PTPRE: variants seen among roughly 807,000 people sequenced by gnomAD.
The protein encoded by PTPRE is protein tyrosine phosphatase receptor type E.
A neutral mutation model predicts 102.0 loss-of-function variants in PTPRE; 51 were observed. The ratio of observed to expected loss-of-function variants is 0.50; its 90% confidence interval spans 0.40 to 0.63. The LOEUF is 0.63. Among genes scored for constraint, PTPRE ranks in the 30% least tolerant of loss-of-function variants. PTPRE has a pLI of 0.00. For synonymous variants in PTPRE, 345 were observed against 348.2 expected (o/e 0.99, Z 0.10); for missense variants, 752 against 915.1 (o/e 0.82, Z 2.30).
chr10:128,040,849 C>G, intron 2 of PTPRE, 26 bp from the exon 3 acceptor site: 1 of 1,597,114 alleles, frequency 6.3e-7, no homozygotes, highest in Non-Finnish European at 8.6e-7. Context: ...TGGATGACCT[C>G]TGAGCCTGTC....
intron 1 of PTPRE, among the ~76,000 whole-genome samples, chr10:127,948,985 A>C (rs1848824710): frequency 6.6e-6 from 1 of 152,226 alleles, no homozygotes. Context: ...GTCTGCTGGA[A>C]CTGGGATACA....
rs192693797 is a variant in PTPRE at position 127,916,795 on chromosome 10, C to T, written c.-31+9486C>T. ...TGTGTGACGGACCAGCAGTTCTTACCGTGTCTTAAATTATGACCCCCTTTG... is the reference window on the plus strand; with the variant it reads ...TGTGTGACGGACCAGCAGTTCTTACTGTGTCTTAAATTATGACCCCCTTTG... On this transcript the variant is annotated intron_variant, in intron 1 of 20. Coordinates refer to ENST00000254667, the MANE Select transcript of PTPRE (RefSeq NM_006504.6). Among the ~76,000 whole-genome samples the T allele has an allele frequency of 3.0e-3, 455 of 152,220 alleles. 1 individual carries two copies. The highest frequency in any genetic ancestry group is 4.9e-3 in the Non-Finnish European group (333 of 68,012).
chr10:128,075,571 G>C (rs1851153306), intron 17 of PTPRE, among the ~76,000 whole-genome samples: 1 of 152,026 alleles, frequency 6.6e-6, no homozygotes, highest in Non-Finnish European at 1.5e-5. Context: ...GAGCCAAAAT[G>C]CTTCATTGAA....
Position 127,940,769 on chromosome 10 carries a change from G to A in PTPRE, c.-31+33460G>A, listed in dbSNP as rs373160194. ...AGCTATCCTCCCACCTCAGCCTCCC[G>A]AGTAGTAGGGATTACAGGCTTACAC... On this transcript the variant is annotated intron_variant, in intron 1 of 20. Transcript: ENST00000254667. Among the ~76,000 whole-genome samples, 8 of 152,130 alleles carry A rather than the reference G, an allele frequency of 5.3e-5. No homozygotes were observed. In the East Asian group the frequency reaches 7.7e-4, roughly 15 times the overall value.
Position 128,037,098 on chromosome 10 carries a change from A to G in PTPRE, c.-7-3777A>G, listed in dbSNP as rs116968741. 0.013 allele frequency among the ~76,000 whole-genome samples: 1,926 copies of G among 152,328 alleles called. 173 individuals carry two copies. The East Asian group carries it at 0.24, about 19-fold the overall frequency. On this transcript the variant is annotated intron_variant, in intron 2 of 20. Coordinates refer to ENST00000254667, the MANE Select transcript of PTPRE (RefSeq NM_006504.6). ...GGAGTTGGGCACAGGAGTGGGCATC[A>G]TTCCTTAGTGCCCCCAGGAGACTCT...
intron 1 of PTPRE, among the ~76,000 whole-genome samples, chr10:127,977,818 G>A (rs1318362683): frequency 1.2e-4 from 19 of 152,198 alleles, no homozygotes; most frequent in Non-Finnish European, 1.3e-4. Context: ...CCTAAGGGTG[G>A]ATTTCCCCTG....
rs569990588 is a variant in PTPRE, at chr10:127,937,639, A to G, written c.-31+30330A>G. On this transcript the variant is annotated intron_variant, in intron 1 of 20. Coordinates refer to ENST00000254667, the MANE Select transcript of PTPRE (RefSeq NM_006504.6). ...TTTGGGAGGTCAAGGCAGGCAGATC[A>G]CTTGAGGTCAGGAGTTTGAGACCAG... Among the ~76,000 whole-genome samples, 61 of 150,844 alleles carry G rather than the reference A, an allele frequency of 4.0e-4. 1 individual carries two copies. Among genetic ancestry groups the G allele is most frequent in the African/African-American group, 1.4e-3 (58 of 41,440 alleles).
chr10:128,010,545 C>CCTTTTCTTTTCTTTTCTTTT (rs59253362), intron 2 of PTPRE, among the ~76,000 whole-genome samples: 5,916 of 128,258 alleles, frequency 0.046, 330 homozygotes, highest in African/African-American at 0.082. Flanking sequence ...AAACCCTGTT[C>CCTTTTCTTTTCTTTTCTTTT]CTTTTCTTTT....
intron 1 of PTPRE, among the ~76,000 whole-genome samples, chr10:127,958,891 C>CTTT (rs572936097): frequency 9.9e-5 from 12 of 120,870 alleles, no homozygotes; most frequent in African/African-American, 3.4e-4. Context: ...TTCAACTTGC[C>CTTT]TTTTTTTTTT....
chr10:127,951,619 G>A (rs1214314462), intron 1 of PTPRE, among the ~76,000 whole-genome samples: 1 of 152,244 alleles, frequency 6.6e-6, no homozygotes, highest in Non-Finnish European at 1.5e-5. Flanking sequence ...CATAATTGGA[G>A]TACACATACT....
chr10:127,916,215 C>G (rs1214477234), intron 1 of PTPRE, among the ~76,000 whole-genome samples: 1 of 152,108 alleles, frequency 6.6e-6, no homozygotes, highest in African/African-American at 2.4e-5. Flanking sequence ...TAGTAATCCC[C>G]ACATGTTGGG....
In PTPRE at chr10:128,040,238, C is replaced by T. The variant is rs116305962; in HGVS notation, c.-7-637C>T. On this transcript the variant is annotated intron_variant, in intron 2 of 20. Coordinates refer to ENST00000254667, the MANE Select transcript of PTPRE (RefSeq NM_006504.6). ...GGAGCCAGGCAGAGCATGCTGGAGC[C>T]AGACCAAGCATGTAGGAGCTAGACC... is the stretch of plus-strand genomic sequence containing the variant. Among the ~76,000 whole-genome samples, 1,258 of 152,154 alleles carry T rather than the reference C, an allele frequency of 8.3e-3. 13 individuals are homozygous for T. Among genetic ancestry groups the T allele is most frequent in the African/African-American group, 0.028 (1,158 of 41,514 alleles).
At chr10:127,956,652 A>G (rs368298666) in intron 1 of PTPRE, among the ~76,000 whole-genome samples, 1 of 152,254 alleles carries the variant, frequency 6.6e-6, no homozygotes, top group African/African-American at 2.4e-5. Context: ...CCACTAAACT[A>G]TCTTCCAAAG....
At chr10:128,014,791 G>C (rs908185013) in intron 2 of PTPRE, among the ~76,000 whole-genome samples, 1 of 152,132 alleles carries the variant, frequency 6.6e-6, no homozygotes, top group African/African-American at 2.4e-5. Context: ...GGAGCCCTCT[G>C]CATTTGACGA....
intron 1 of PTPRE, among the ~76,000 whole-genome samples, chr10:127,916,993 T>C (rs1199843701): frequency 6.6e-6 from 1 of 151,960 alleles, no homozygotes; most frequent in Non-Finnish European, 1.5e-5. Context: ...CCCAGCAGCA[T>C]GCTCAGCTGT....
intron 1 of PTPRE, among the ~76,000 whole-genome samples, chr10:127,935,467 C>T (rs1766912870): frequency 6.6e-6 from 1 of 152,156 alleles, no homozygotes; most frequent in African/African-American, 2.4e-5. Context: ...CACTGTGTCT[C>T]CATGCAGCTG....
intron 1 of PTPRE, among the ~76,000 whole-genome samples, chr10:127,920,626 C>T (rs1044508498): frequency 3.3e-5 from 5 of 152,170 alleles, no homozygotes; most frequent in South Asian, 4.1e-4. Flanking sequence ...CTCTCCAGGA[C>T]GTTTCAGTGC....
intron 17 of PTPRE, 27 bp downstream of exon 17, chr10:128,073,498 C>A: frequency 6.2e-7 from 1 of 1,600,346 alleles, no homozygotes; most frequent in South Asian, 1.1e-5. Context: ...AGCCCGGTCC[C>A]TCCAGGGCAG....
At chr10:128,045,863 C>T (rs1435162255) in intron 3 of PTPRE, among the ~76,000 whole-genome samples, 1 of 152,206 alleles carries the variant, frequency 6.6e-6, no homozygotes, top group Non-Finnish European at 1.5e-5. Flanking sequence ...GGGCCAGGGT[C>T]ACAGACACCT....
Sources: allele counts gnomAD v4.1 joint callset (sites outside exome capture counted in the v4.1 genomes callset), GRCh38; gene constraint gnomAD v4.1.1; transcripts MANE v1.5; gene names NCBI Gene and HGNC (gene_info 2026-07-23, HGNC 2026-07-21).